Variants in PXDNL observed in about 807,000 individuals in gnomAD.
PXDNL encodes peroxidasin like.
PXDNL carries 145 observed loss-of-function variants against 150.8 expected under a neutral mutation model. That is an observed-to-expected ratio of 0.96 (90% confidence interval 0.84 to 1.10). PXDNL has a LOEUF of 1.10. PXDNL is among the 50% of genes least tolerant of loss of function. The pLI, the probability that PXDNL is intolerant of heterozygous loss-of-function variation, is 0.00. For missense variants in PXDNL, 2,087 were observed against 1,873.9 expected, an observed-to-expected ratio of 1.11 and a Z score of -2.10; for synonymous variants, 757 against 725.7, an observed-to-expected ratio of 1.04 and a Z score of -0.69.
intron 19 of PXDNL, among the ~76,000 whole-genome samples, chr8:51,361,024 G>C (rs545499114): frequency 6.6e-6 from 1 of 152,140 alleles, no homozygotes; most frequent in African/African-American, 2.4e-5. Flanking sequence ...AACTTCCTCC[G>C]ATGCCCAGAA....
intron 10 of PXDNL, among the ~76,000 whole-genome samples, chr8:51,451,628 T>C (rs556014344): frequency 1.8e-4 from 28 of 152,346 alleles, no homozygotes; most frequent in Non-Finnish European, 2.8e-4. Context: ...CTGTGATTCA[T>C]ATCTTTCATT....
At chr8:51,529,892 G>C in intron 4 of PXDNL, among the ~76,000 whole-genome samples, 1 of 152,172 alleles carries the variant, frequency 6.6e-6, no homozygotes. Flanking sequence ...GGTAAGAAGT[G>C]TAGCAGCATC....
intron 17 of PXDNL, among the ~76,000 whole-genome samples, chr8:51,376,455 T>G (rs1807311693): frequency 6.6e-6 from 1 of 152,222 alleles, no homozygotes; most frequent in South Asian, 2.1e-4. Context: ...TTGAATGTTG[T>G]GTTATTGTTT....
intron 1 of PXDNL, among the ~76,000 whole-genome samples, chr8:51,656,782 G>A (rs778623368): frequency 6.6e-6 from 1 of 151,946 alleles, no homozygotes. Flanking sequence ...ATAATTTCAC[G>A]TGTGTATGTT....
chr8:51,614,688 T>A (rs1481939998), intron 2 of PXDNL, among the ~76,000 whole-genome samples: 4 of 152,128 alleles, frequency 2.6e-5, no homozygotes, highest in Non-Finnish European at 5.9e-5. Context: ...CGACTTTAGA[T>A]TTTTTTACAT....
At position 51,347,061 on chromosome 8, in the gene PXDNL, C is replaced by A. The variant is rs777562893; in HGVS notation, c.3902-1114G>T. On this transcript the variant is annotated intron_variant, in intron 19 of 22. Transcript: ENST00000356297. ...TATATGAAGTTCAAAAATAAAAATT[C>A]TTAATATTGGTGGGAAAATACCTGA... is the stretch of plus-strand genomic sequence containing the variant. 3.9e-5 allele frequency among the ~76,000 whole-genome samples: 6 copies of A among 152,064 alleles called. No individual in the cohort carries two copies. The South Asian group carries it at 1.0e-3, about 26-fold the overall frequency.
chr8:51,588,344 C>T (rs6980547), intron 3 of PXDNL, among the ~76,000 whole-genome samples: 7,771 of 152,242 alleles, frequency 0.051, 461 homozygotes, highest in African/African-American at 0.15. Context: ...GCAAAATTTA[C>T]TGCAGTGGGT....
At chr8:51,583,273 T>C (rs1813249948) in intron 3 of PXDNL, among the ~76,000 whole-genome samples, 1 of 152,096 alleles carries the variant, frequency 6.6e-6, no homozygotes, top group East Asian at 1.9e-4. Context: ...GCTTGGCTTC[T>C]GGTGAGGGCT....
At chr8:51,378,073 T>C (rs1340727406) in intron 17 of PXDNL, among the ~76,000 whole-genome samples, 1 of 152,170 alleles carries the variant, frequency 6.6e-6, no homozygotes, top group Non-Finnish European at 1.5e-5. Flanking sequence ...TCAAGGTTTG[T>C]AAATGCACTA....
At chr8:51,576,797 A>G (rs2130609900) in intron 3 of PXDNL, among the ~76,000 whole-genome samples, 1 of 151,976 alleles carries the variant, frequency 6.6e-6, no homozygotes, top group South Asian at 2.1e-4. Context: ...GAGAGAAAAC[A>G]CAAATACCAA....
At chr8:51,508,464 T>G (rs1194312579) in intron 4 of PXDNL, among the ~76,000 whole-genome samples, 3 of 152,206 alleles carry the variant, frequency 2.0e-5, no homozygotes, top group Non-Finnish European at 4.4e-5. Context: ...ATGCGTCGGT[T>G]AGTCCCTCTC....
chr8:51,559,846 A>G (rs1038767373), intron 3 of PXDNL, among the ~76,000 whole-genome samples: 1 of 152,028 alleles, frequency 6.6e-6, no homozygotes, highest in Admixed American at 6.6e-5. Flanking sequence ...GAAAGCAAGA[A>G]GTCAAAGTAA....
At chr8:51,715,695 T>C (rs2130906938) in intron 1 of PXDNL, among the ~76,000 whole-genome samples, 1 of 152,238 alleles carries the variant, frequency 6.6e-6, no homozygotes, top group Non-Finnish European at 1.5e-5. Context: ...CCTCCAAAGA[T>C]CCTTATGAAT....
At position 51,600,117 on chromosome 8, in the gene PXDNL, A is replaced by G. The variant is rs1226209017; in HGVS notation, c.237-7419T>C. ...GATAATAAATTATATCATATAAATT[A>G]TATCGTTTAGATAATAAATTATACC... On this transcript the variant is annotated intron_variant, in intron 2 of 22. Coordinates refer to ENST00000356297, the MANE Select transcript of PXDNL (RefSeq NM_144651.5). Among the ~76,000 whole-genome samples the G allele has an allele frequency of 1.4e-5, 2 of 145,468 alleles. 1 individual carries two copies. The highest frequency in any genetic ancestry group is 5.0e-5 in the African/African-American group (2 of 40,090).
intron 1 of PXDNL, among the ~76,000 whole-genome samples, chr8:51,744,973 A>G (rs373433897): frequency 0.33 from 17,705 of 53,724 alleles, 2,312 homozygotes; most frequent in East Asian, 0.45. Context: ...AGAAAGAAAG[A>G]AAGAAAGAAA....
chr8:51,745,796 G>A (rs1399785118), intron 1 of PXDNL, among the ~76,000 whole-genome samples: 3 of 147,054 alleles, frequency 2.0e-5, no homozygotes, highest in Non-Finnish European at 3.0e-5. Context: ...TCACTCTGTC[G>A]CTGGAGTGCA....
At chr8:51,497,097 A>T (rs945913678) in intron 5 of PXDNL, among the ~76,000 whole-genome samples, 1 of 152,190 alleles carries the variant, frequency 6.6e-6, no homozygotes, top group Non-Finnish European at 1.5e-5. Flanking sequence ...ACAGAGACCT[A>T]TGGAACAGAA....
At chr8:51,328,647 G>A (rs918057207) in intron 21 of PXDNL, among the ~76,000 whole-genome samples, 1 of 152,118 alleles carries the variant, frequency 6.6e-6, no homozygotes, top group Non-Finnish European at 1.5e-5. Flanking sequence ...AATGCAAAGA[G>A]AAAACTGAGA....
chr8:51,596,734 C>T (rs1813575635), intron 2 of PXDNL, among the ~76,000 whole-genome samples: 1 of 151,492 alleles, frequency 6.6e-6, no homozygotes, highest in Non-Finnish European at 1.5e-5. Flanking sequence ...ATGTCCTTTG[C>T]CCATTTTTAT....
Sources: allele counts gnomAD v4.1 joint callset (sites outside exome capture counted in the v4.1 genomes callset), GRCh38; gene constraint gnomAD v4.1.1; transcripts MANE v1.5; gene names NCBI Gene and HGNC (gene_info 2026-07-23, HGNC 2026-07-21).